The following MPZL1 variants were observed in gnomAD, a reference collection of about 807,000 sequenced individuals.
MPZL1 encodes the protein myelin protein zero like 1.
In MPZL1, 16 loss-of-function variants were observed where a neutral mutation model predicts 29.3. The ratio of observed to expected loss-of-function variants is 0.55; its 90% CI spans 0.37 to 0.83. The LOEUF (loss-of-function observed/expected upper bound fraction) is 0.83, where lower values mean the gene tolerates loss of function less well. Ranked by LOEUF, MPZL1 falls within the 40% of genes least tolerant of loss-of-function variation. The pLI is 0.00. For synonymous variants in MPZL1, 143 were observed against 132.0 expected (o/e 1.08, Z -0.57); for missense variants, 279 against 332.9 (o/e 0.84, Z 1.26).
At chr1:167,766,105 C>T (rs1215813776) in intron 2 of MPZL1, among the ~76,000 whole-genome samples, 1 of 152,010 alleles carries the variant, frequency 6.6e-6, no homozygotes, top group Non-Finnish European at 1.5e-5. Context: ...TATATGTATG[C>T]ATCTTCTGAT....
At chr1:167,779,695 G>A (rs1189433995) in intron 5 of MPZL1, among the ~76,000 whole-genome samples, 2 of 152,140 alleles carry the variant, frequency 1.3e-5, no homozygotes. Context: ...TGGGGTGGAA[G>A]GATGGAAGAA....
intron 1 of MPZL1, among the ~76,000 whole-genome samples, chr1:167,723,916 A>G (rs537892747): frequency 3.3e-5 from 5 of 152,344 alleles, no homozygotes; most frequent in Admixed American, 2.0e-4. Context: ...TTATCAAGAC[A>G]GTTACTCAGC....
At chr1:167,748,551 A>G (rs927762896) in intron 1 of MPZL1, among the ~76,000 whole-genome samples, 17 of 152,156 alleles carry the variant, frequency 1.1e-4, no homozygotes, top group African/African-American at 4.1e-4. Flanking sequence ...TGATTTGCAA[A>G]TATTTTCTCT....
chr1:167,728,198 C>A (rs545668445), intron 1 of MPZL1, among the ~76,000 whole-genome samples: 1 of 152,042 alleles, frequency 6.6e-6, no homozygotes, highest in East Asian at 1.9e-4. Context: ...TGCCACCACG[C>A]CTGGCTAATT....
At chr1:167,755,931 A>G (rs779486044) in intron 1 of MPZL1, among the ~76,000 whole-genome samples, 1 of 152,140 alleles carries the variant, frequency 6.6e-6, no homozygotes, top group South Asian at 2.1e-4. Context: ...CAGTACATAT[A>G]TAGAGGAGGG....
chr1:167,741,535 G>C (rs1010923955), intron 1 of MPZL1, among the ~76,000 whole-genome samples: 10 of 151,392 alleles, frequency 6.6e-5, no homozygotes, highest in Non-Finnish European at 1.3e-4. Context: ...ATGTTGACCA[G>C]GCTAGTCTTG....
chr1:167,776,511 T>C (rs1414756650), intron 5 of MPZL1, among the ~76,000 whole-genome samples: 1 of 152,224 alleles, frequency 6.6e-6, no homozygotes, highest in Non-Finnish European at 1.5e-5. Flanking sequence ...TGAAGGAGAT[T>C]CTTTCTGTAT....
At chr1:167,733,708 C>T (rs935649341) in intron 1 of MPZL1, among the ~76,000 whole-genome samples, 1 of 151,540 alleles carries the variant, frequency 6.6e-6, no homozygotes, top group African/African-American at 2.4e-5. Flanking sequence ...TGTGCCACTG[C>T]ACTCCACCCT....
intron 1 of MPZL1, among the ~76,000 whole-genome samples, chr1:167,740,037 T>A (rs1471036606): frequency 6.6e-6 from 1 of 152,192 alleles, no homozygotes; most frequent in Non-Finnish European, 1.5e-5. Context: ...TTGTAAAGGC[T>A]CCTACTTCCC....
At chr1:167,734,939 C>T (rs1021316542) in intron 1 of MPZL1, among the ~76,000 whole-genome samples, 3 of 152,188 alleles carry the variant, frequency 2.0e-5, no homozygotes, top group Non-Finnish European at 4.4e-5. Context: ...TCAATGCCCT[C>T]ACTTTAGTAG....
chr1:167,733,104 T>G (rs1240127196), intron 1 of MPZL1, among the ~76,000 whole-genome samples: 1 of 152,184 alleles, frequency 6.6e-6, no homozygotes, highest in Non-Finnish European at 1.5e-5. Flanking sequence ...AACTTTTCTG[T>G]TTATATAGAT....
At chr1:167,734,859 A>G (rs1229080196) in intron 1 of MPZL1, among the ~76,000 whole-genome samples, 10 of 152,230 alleles carry the variant, frequency 6.6e-5, no homozygotes, top group South Asian at 2.1e-4. Flanking sequence ...TAGGGATTCA[A>G]TGTTTCCAGC....
At chr1:167,781,225 G>A (rs1661491426) in intron 5 of MPZL1, among the ~76,000 whole-genome samples, 1 of 152,172 alleles carries the variant, frequency 6.6e-6, no homozygotes, top group South Asian at 2.1e-4. Flanking sequence ...AAAAGATGCG[G>A]AAGACTTAAC....
At chr1:167,780,934 A>G (rs1435953369) in intron 5 of MPZL1, among the ~76,000 whole-genome samples, 6 of 152,212 alleles carry the variant, frequency 3.9e-5, no homozygotes, top group African/African-American at 9.6e-5. Context: ...GATATGCTAC[A>G]TTAACACTAA....
intron 5 of MPZL1, among the ~76,000 whole-genome samples, chr1:167,777,697 A>G (rs1261842624): frequency 6.6e-6 from 1 of 152,184 alleles, no homozygotes; most frequent in East Asian, 1.9e-4. Flanking sequence ...CAGGGGAAGA[A>G]CTACCTGAAA....
intron 1 of MPZL1, among the ~76,000 whole-genome samples, chr1:167,755,629 A>T (rs1660855077): frequency 2.6e-5 from 4 of 152,196 alleles, no homozygotes; most frequent in Non-Finnish European, 5.9e-5. Flanking sequence ...TGGATGCTTT[A>T]TGCAGATGAT....
chr1:167,739,288 T>TACAC (rs1553254294), intron 1 of MPZL1, among the ~76,000 whole-genome samples: 1 of 108,334 alleles, frequency 9.2e-6, no homozygotes, highest in Admixed American at 8.4e-5. Flanking sequence ...TATACATATA[T>TACAC]ATATATATAT....
chr1:167,738,396 T>C (rs1558110119), intron 1 of MPZL1, among the ~76,000 whole-genome samples: 1 of 152,190 alleles, frequency 6.6e-6, no homozygotes, highest in Non-Finnish European at 1.5e-5. Flanking sequence ...GCTAACAACA[T>C]AGTGATACAA....
rs1660040203 is a variant in MPZL1 at position 167,722,107 on chromosome 1, G to A, written c.-45G>A. ...CGAGCCAACCTCAGCGGGGACCCGG[G>A]CTCAGGGACGCGGCGGCGGCGGCGG... On this transcript the variant is annotated 5_prime_UTR_variant, in exon 1 of 6. Coordinates refer to ENST00000359523, the MANE Select transcript of MPZL1 (RefSeq NM_003953.6). 9.7e-6 allele frequency: 12 copies of A among 1,233,146 alleles called. No individual in the cohort carries two copies. The highest frequency in any genetic ancestry group is 3.2e-5 in the East Asian group (1 of 31,716). 76.4% of individuals were successfully genotyped at this position (1,233,146 alleles called of 1,614,324 possible).
Sources: allele counts gnomAD v4.1 joint callset (sites outside exome capture counted in the v4.1 genomes callset), GRCh38; gene constraint gnomAD v4.1.1; transcripts MANE v1.5; gene names NCBI Gene and HGNC (gene_info 2026-07-23, HGNC 2026-07-21).